Variants in TTC1 observed in about 807,000 individuals in gnomAD.
TTC1 encodes the protein tetratricopeptide repeat protein 1.
A neutral mutation model predicts 37.6 loss-of-function variants in TTC1; 31 were observed. The observed-to-expected ratio is 0.82, with a 90% confidence interval of 0.62 to 1.11. The LOEUF is 1.11. TTC1 is among the 50% of genes most tolerant of loss of function. The pLI, the probability that TTC1 is intolerant of heterozygous loss-of-function variation, is 0.00. For synonymous variants in TTC1, 127 were observed against 122.4 expected, an observed-to-expected ratio of 1.04 and a Z score of -0.25; for missense variants, 351 against 339.0, an observed-to-expected ratio of 1.04 and a Z score of -0.28.
intron 2 of TTC1, among the ~76,000 whole-genome samples, chr5:160,021,368 G>A (rs1354811869): frequency 1.3e-5 from 2 of 152,226 alleles, no homozygotes; most frequent in Admixed American, 1.3e-4. Context: ...GAACTGAATA[G>A]GAGGTTTTCT....
intron 7 of TTC1, among the ~76,000 whole-genome samples, chr5:160,063,268 T>G (rs558830675): frequency 4.2e-4 from 64 of 151,976 alleles, no homozygotes; most frequent in Non-Finnish European, 9.0e-4. Flanking sequence ...CAGGCTGGAG[T>G]GCAATGGTAT....
At chr5:160,025,915 A>G (rs988225207) in intron 2 of TTC1, among the ~76,000 whole-genome samples, 1 of 152,228 alleles carries the variant, frequency 6.6e-6, no homozygotes, top group African/African-American at 2.4e-5. Context: ...TGGAAATGTT[A>G]GATCTGTCCT....
intron 7 of TTC1, among the ~76,000 whole-genome samples, chr5:160,063,104 A>AT (rs1753479186): frequency 6.6e-6 from 1 of 152,162 alleles, no homozygotes; most frequent in Non-Finnish European, 1.5e-5. Context: ...AGCTTTCTCA[A>AT]TTTACTGTTT....
chr5:160,035,570 A>G (rs900090636), intron 3 of TTC1, among the ~76,000 whole-genome samples: 2 of 152,250 alleles, frequency 1.3e-5, no homozygotes, highest in Non-Finnish European at 2.9e-5. Context: ...GGGCTGTGAA[A>G]GCAGCCTGAC....
At chr5:160,031,131 G>A (rs566926972) in intron 2 of TTC1, among the ~76,000 whole-genome samples, 10 of 152,226 alleles carry the variant, frequency 6.6e-5, no homozygotes, top group African/African-American at 2.2e-4. Context: ...CGGCACAGCT[G>A]GGAAATAGTT....
chr5:160,023,125 G>A (rs1756740472), intron 2 of TTC1, among the ~76,000 whole-genome samples: 1 of 152,028 alleles, frequency 6.6e-6, no homozygotes, highest in African/African-American at 2.4e-5. Context: ...GCCTGGTGGT[G>A]TGCGCCTATA....
intron 2 of TTC1, among the ~76,000 whole-genome samples, chr5:160,013,356 T>G (rs755829188): frequency 1.3e-5 from 2 of 152,070 alleles, no homozygotes; most frequent in Non-Finnish European, 2.9e-5. Flanking sequence ...TAGTGTTATA[T>G]TTGAATCTTT....
intron 7 of TTC1, among the ~76,000 whole-genome samples, chr5:160,062,833 C>G (rs1753464281): frequency 6.6e-6 from 1 of 151,916 alleles, no homozygotes; most frequent in African/African-American, 2.4e-5. Flanking sequence ...TTCCTGTCCT[C>G]TTTTTCCAAC....
At position 160,054,691 on chromosome 5, in the gene TTC1, A is replaced by G. The variant is rs1466789987; in HGVS notation, c.745+3508A>G. 2.0e-5 allele frequency among the ~76,000 whole-genome samples: 3 copies of G among 152,178 alleles called. No individual in the cohort carries two copies. The East Asian group carries it at 5.8e-4, about 29-fold the overall frequency. On this transcript the variant is annotated intron_variant, in intron 7 of 7. Transcript: ENST00000231238. ...AAAGTAGCGTTTTATATAAATTCAA[A>G]TGTACGGTATAGCATTTATAATCAG...
intron 2 of TTC1, among the ~76,000 whole-genome samples, chr5:160,021,471 G>A (rs1756702872): frequency 6.6e-6 from 1 of 152,204 alleles, no homozygotes; most frequent in Non-Finnish European, 1.5e-5. Context: ...GTTAAAGATT[G>A]AGTTTTGGGA....
intron 7 of TTC1, among the ~76,000 whole-genome samples, chr5:160,055,671 C>T (rs1286277574): frequency 6.6e-6 from 1 of 152,220 alleles, no homozygotes; most frequent in South Asian, 2.1e-4. Flanking sequence ...CTGATGCACA[C>T]TCAACTTTAA....
intron 2 of TTC1, among the ~76,000 whole-genome samples, chr5:160,023,072 G>A (rs1756738734): frequency 1.3e-5 from 2 of 152,160 alleles, no homozygotes; most frequent in Admixed American, 1.3e-4. Context: ...TGACCAACAA[G>A]GTGAAACCCC....
chr5:160,055,605 G>A lies in TTC1; in HGVS notation c.745+4422G>A, dbSNP rs1035589935. 3.3e-5 allele frequency among the ~76,000 whole-genome samples: 5 copies of A among 152,226 alleles called. No homozygotes were observed. In the East Asian group the frequency reaches 7.7e-4, roughly 23 times the overall value. On this transcript the variant is annotated intron_variant, in intron 7 of 7. Coordinates refer to ENST00000231238, the MANE Select transcript of TTC1 (RefSeq NM_003314.3). Reference sequence around the variant, plus strand: ...TATCAGGCCCTACCCCAGACCTACTGAATCAGAGATTTAAGATGGAGCTCA... The same window carrying A: ...TATCAGGCCCTACCCCAGACCTACTAAATCAGAGATTTAAGATGGAGCTCA...
intron 4 of TTC1, among the ~76,000 whole-genome samples, chr5:160,037,343 C>G (rs2113370811): frequency 6.6e-6 from 1 of 152,274 alleles, no homozygotes; most frequent in East Asian, 1.9e-4. Context: ...TTCCAAAGGA[C>G]TGAGAACCTA....
intron 3 of TTC1, among the ~76,000 whole-genome samples, chr5:160,035,918 A>G (rs1345261556): frequency 6.6e-6 from 1 of 151,284 alleles, no homozygotes. Context: ...TTGTTTTCCA[A>G]AAGTTACCCT....
intron 7 of TTC1, 77 bp from the exon 8 acceptor site, chr5:160,064,855 G>T: frequency 6.9e-7 from 1 of 1,459,562 alleles, no homozygotes. Context: ...GTACTCAGTG[G>T]TAAGGCAAGA....
chr5:160,045,424 G>A (rs1024563049), intron 5 of TTC1, among the ~76,000 whole-genome samples: 3 of 141,980 alleles, frequency 2.1e-5, no homozygotes, highest in Admixed American at 1.4e-4. Flanking sequence ...TGGTTTGTTT[G>A]TATTGAGAGC....
intron 2 of TTC1, among the ~76,000 whole-genome samples, chr5:160,030,313 T>C (rs1303291399): frequency 2.0e-5 from 3 of 152,146 alleles, no homozygotes; most frequent in Admixed American, 6.5e-5. Context: ...TGGTAAGCTC[T>C]GAGAGACAAT....
At chr5:160,021,618 C>G (rs1309505462) in intron 2 of TTC1, among the ~76,000 whole-genome samples, 1 of 152,186 alleles carries the variant, frequency 6.6e-6, no homozygotes, top group Non-Finnish European at 1.5e-5. Context: ...AAGATCCTCC[C>G]TCATGCCTCC....
Sources: gnomAD v4.1 joint callset for allele counts (sites outside exome capture counted in the v4.1 genomes callset) on GRCh38, gnomAD v4.1.1 for gene constraint, MANE v1.5 for transcripts, NCBI Gene and HGNC (gene_info 2026-07-23, HGNC 2026-07-21) for gene names.